The following MMP26 variants were observed in gnomAD, a reference collection of about 807,000 sequenced individuals.
The protein encoded by MMP26 is matrix metalloproteinase-26.
MMP26 carries 33 observed loss-of-function variants against 31.0 expected under a neutral mutation model. The ratio of observed to expected loss-of-function variants is 1.06; its 90% CI spans 0.81 to 1.42. The LOEUF (loss-of-function observed/expected upper bound fraction) is 1.42. Among genes scored for constraint, MMP26 ranks in the 40% most tolerant of loss-of-function variants. MMP26 has a pLI of 0.00. For missense variants in MMP26, 347 were observed against 316.1 expected, an observed-to-expected ratio of 1.10 and a Z score of -0.74; for synonymous variants, 122 against 114.9, an observed-to-expected ratio of 1.06 and a Z score of -0.40.
chr11:4,923,248 C>T (rs1007751846), intron 2 of MMP26: 39 of 868,896 alleles, frequency 4.5e-5, no homozygotes, highest in Middle Eastern at 7.2e-4. Flanking sequence ...GGTCACACTG[C>T]CTTATGTTGC....
At chr11:4,907,430 G>A (rs1850913896) in intron 2 of MMP26, 3 of 1,613,746 alleles carry the variant, frequency 1.9e-6, no homozygotes, top group Non-Finnish European at 2.5e-6. Flanking sequence ...CCCAGGACTG[G>A]AACATGCCCA....
chr11:4,834,776 A>T (rs975354056), intron 2 of MMP26, among the ~76,000 whole-genome samples: 4 of 152,160 alleles, frequency 2.6e-5, no homozygotes, highest in African/African-American at 9.7e-5. Flanking sequence ...AATTAAGAAC[A>T]TAATTATTTC....
At chr11:4,735,056 G>A (rs1848221726) in intron 1 of MMP26, among the ~76,000 whole-genome samples, 1 of 152,156 alleles carries the variant, frequency 6.6e-6, no homozygotes, top group South Asian at 2.1e-4. Context: ...TGGTGGTCTG[G>A]ACTGAGAACT....
rs984127657 is a variant in MMP26, at chr11:4,954,472, C to T, written c.-144-33596C>T. 6.1e-5 allele frequency among the ~76,000 whole-genome samples: 7 copies of T among 114,062 alleles called. 3 individuals carry two copies. Among genetic ancestry groups the T allele is most frequent in the African/African-American group, 2.0e-4 (7 of 35,320 alleles). The allele number at this position is 114,062 out of a possible 152,430, so 74.8% of individuals were successfully genotyped here. A position where few individuals can be genotyped will look rare whatever the true frequency, so the allele number is the denominator to read the frequency against. The stretch of plus-strand genomic sequence containing the variant: ...GACTGAATGTAGATAACGAGGAATC[C>T]AACTTCTGTCAGAACTGTAAAAATT... On this transcript the variant is annotated intron_variant, in intron 2 of 7. Coordinates refer to ENST00000380390, the MANE Select transcript of MMP26 (RefSeq NM_021801.5).
At chr11:4,930,423 G>C (rs1034295006) in intron 2 of MMP26, among the ~76,000 whole-genome samples, 1 of 152,066 alleles carries the variant, frequency 6.6e-6, no homozygotes, top group East Asian at 1.9e-4. Flanking sequence ...TAGTGTCAGT[G>C]CTTACCCCTT....
At chr11:4,915,770 C>A in intron 2 of MMP26, 1 of 678,010 alleles carries the variant, frequency 1.5e-6, no homozygotes, top group South Asian at 1.9e-5. Context: ...AAAATAGAAT[C>A]AAATATACCT....
chr11:4,966,644 A>G (rs1846598932), intron 2 of MMP26, among the ~76,000 whole-genome samples: 1 of 151,946 alleles, frequency 6.6e-6, no homozygotes, highest in Non-Finnish European at 1.5e-5. Context: ...GAAATAAGAG[A>G]GATTCTTCTT....
At chr11:4,814,953 G>C (rs897879406) in intron 2 of MMP26, among the ~76,000 whole-genome samples, 2 of 152,316 alleles carry the variant, frequency 1.3e-5, no homozygotes, top group East Asian at 1.9e-4. Context: ...GTGCCCAACA[G>C]AGTCAGGGTA....
At chr11:4,926,599 C>T (rs1319689502) in intron 2 of MMP26, among the ~76,000 whole-genome samples, 1 of 152,142 alleles carries the variant, frequency 6.6e-6, no homozygotes, top group East Asian at 1.9e-4. Flanking sequence ...CTTTGGAGGT[C>T]ATCTATGTTC....
At chr11:4,867,027 C>A (rs552503067) in intron 2 of MMP26, among the ~76,000 whole-genome samples, 1 of 151,910 alleles carries the variant, frequency 6.6e-6, no homozygotes, top group African/African-American at 2.4e-5. Flanking sequence ...GCATGAGGAA[C>A]GATTTCATGA....
chr11:4,806,841 G>A (rs918601415), intron 2 of MMP26, among the ~76,000 whole-genome samples: 3 of 152,076 alleles, frequency 2.0e-5, no homozygotes, highest in Non-Finnish European at 2.9e-5. Flanking sequence ...CTATATCTCT[G>A]TCCCCCTTTG....
intron 2 of MMP26, among the ~76,000 whole-genome samples, chr11:4,887,935 C>T (rs1346737851): frequency 6.6e-6 from 1 of 151,920 alleles, no homozygotes; most frequent in African/African-American, 2.4e-5. Context: ...GAAGATTGTC[C>T]CTCCCTTCCC....
chr11:4,816,554 G>A (rs1214042881), intron 2 of MMP26, among the ~76,000 whole-genome samples: 4 of 151,502 alleles, frequency 2.6e-5, no homozygotes, highest in Non-Finnish European at 4.4e-5. Context: ...CAGACAAAAC[G>A]AAAGATAATT....
At chr11:4,859,940 G>C (rs1850120513) in intron 2 of MMP26, 2 of 470,988 alleles carry the variant, frequency 4.2e-6, no homozygotes, top group South Asian at 3.1e-5. Context: ...TCGAGCCCCA[G>C]TGTGAAGATG....
intron 2 of MMP26, among the ~76,000 whole-genome samples, chr11:4,909,780 A>T (rs1287182694): frequency 6.6e-6 from 1 of 152,166 alleles, no homozygotes; most frequent in Non-Finnish European, 1.5e-5. Context: ...AAAATGCTTC[A>T]GTAGCTGTGC....
chr11:4,848,445 A>G (rs769111593), intron 2 of MMP26: 2 of 1,613,972 alleles, frequency 1.2e-6, no homozygotes, highest in Non-Finnish European at 8.5e-7. Flanking sequence ...GAAGAGGAGC[A>G]CTGCAGAGAG....
At chr11:4,852,109 C>A (rs368178503) in intron 2 of MMP26, among the ~76,000 whole-genome samples, 86 of 151,838 alleles carry the variant, frequency 5.7e-4, no homozygotes, top group African/African-American at 1.9e-3. Flanking sequence ...ATTATATACC[C>A]CACAAAAATA....
chr11:4,846,901 G>C (rs1485170880), intron 2 of MMP26, among the ~76,000 whole-genome samples: 14 of 152,142 alleles, frequency 9.2e-5, no homozygotes, highest in Non-Finnish European at 2.9e-5. Flanking sequence ...TACAGCATTT[G>C]TTATAATTCT....
intron 2 of MMP26, among the ~76,000 whole-genome samples, chr11:4,878,688 A>G (rs1318678459): frequency 1.3e-5 from 2 of 152,178 alleles, no homozygotes; most frequent in Non-Finnish European, 2.9e-5. Flanking sequence ...ACTATACTTT[A>G]TTAAGATTGA....
Sources: allele counts gnomAD v4.1 joint callset (sites outside exome capture counted in the v4.1 genomes callset), GRCh38; gene constraint gnomAD v4.1.1; transcripts MANE v1.5; gene names NCBI Gene and HGNC (gene_info 2026-07-23, HGNC 2026-07-21).